TNKS: variants seen among roughly 807,000 people sequenced by gnomAD.
TNKS encodes poly [ADP-ribose] polymerase tankyrase-1.
TNKS carries 72 observed loss-of-function variants against 135.8 expected under a neutral mutation model. The observed-to-expected ratio is 0.53, with a 90% CI of 0.44 to 0.64. The LOEUF (loss-of-function observed/expected upper bound fraction) is 0.64. Among genes scored for constraint, TNKS ranks in the 30% least tolerant of loss-of-function variants. The pLI is 0.00. For missense variants in TNKS, 1,769 were observed against 1,674.0 expected (o/e 1.06, Z -0.99); for synonymous variants, 849 against 649.3 (o/e 1.31, Z -4.68).
intron 1 of TNKS, among the ~76,000 whole-genome samples, chr8:9,561,556 G>C (rs1015111415): frequency 1.3e-5 from 2 of 152,164 alleles, no homozygotes; most frequent in African/African-American, 4.8e-5. Flanking sequence ...TTACTGCTGA[G>C]TAGATTTCAT....
intron 20 of TNKS, among the ~76,000 whole-genome samples, chr8:9,758,227 G>C (rs140538644): frequency 1.3e-5 from 2 of 152,122 alleles, no homozygotes; most frequent in African/African-American, 4.8e-5. Context: ...AATATTGTGT[G>C]GATGGTGGTT....
At chr8:9,581,853 A>G (rs557466055) in intron 2 of TNKS, among the ~76,000 whole-genome samples, 15 of 152,302 alleles carry the variant, frequency 9.8e-5, no homozygotes, top group Non-Finnish European at 1.5e-5. Flanking sequence ...TCAAAAGTCC[A>G]TAATGTAAAT....
intron 2 of TNKS, among the ~76,000 whole-genome samples, chr8:9,590,979 T>C (rs1199172978): frequency 6.6e-6 from 1 of 152,218 alleles, no homozygotes; most frequent in Admixed American, 6.5e-5. Context: ...TGAGAATCCA[T>C]TGTCGAACCC....
At chr8:9,572,262 C>G (rs915994446) in intron 1 of TNKS, among the ~76,000 whole-genome samples, 1 of 152,168 alleles carries the variant, frequency 6.6e-6, no homozygotes, top group East Asian at 1.9e-4. Context: ...AGTGTCTTTT[C>G]TCATAGTTAA....
At chr8:9,746,097 C>A (rs1402264126) in intron 17 of TNKS, among the ~76,000 whole-genome samples, 1 of 152,052 alleles carries the variant, frequency 6.6e-6, no homozygotes, top group African/African-American at 2.4e-5. Context: ...AATTTATTTT[C>A]AATAGATGAT....
chr8:9,734,751 T>C (rs988207786), intron 15 of TNKS, 114 bp from the exon 16 acceptor site: 2 of 872,854 alleles, frequency 2.3e-6, no homozygotes, highest in East Asian at 2.6e-5. Context: ...AAAATGCATA[T>C]AGAGTAGATA....
intron 2 of TNKS, among the ~76,000 whole-genome samples, chr8:9,612,255 AAAG>A (rs1799491107): frequency 6.6e-6 from 1 of 152,216 alleles, no homozygotes; most frequent in Non-Finnish European, 1.5e-5. Context: ...ATATAAATAA[AAAG>A]AAGTACTGGA....
rs141250826 is a variant in TNKS, at chr8:9,707,558, G to C, written c.1456+561G>C. Among the ~76,000 whole-genome samples the C allele has an allele frequency of 1.8e-3, 268 of 152,158 alleles. 5 individuals carry two copies. In the East Asian group the frequency reaches 0.046, roughly 26 times the overall value. On this transcript the variant is annotated intron_variant, in intron 8 of 26. Coordinates refer to ENST00000310430, the MANE Select transcript of TNKS (RefSeq NM_003747.3). ...AGTATAATCACTTTCCCATATTTAA[G>C]TGAGATTTTAAAAATAATTAGGTTG...
At chr8:9,562,455 T>C (rs902926124) in intron 1 of TNKS, among the ~76,000 whole-genome samples, 5 of 152,196 alleles carry the variant, frequency 3.3e-5, no homozygotes, top group African/African-American at 1.2e-4. Context: ...CTTTATGATT[T>C]TAGCTACATT....
intron 3 of TNKS, among the ~76,000 whole-genome samples, chr8:9,677,856 AC>A (rs1429994279): frequency 6.6e-6 from 1 of 152,078 alleles, no homozygotes; most frequent in Non-Finnish European, 1.5e-5. Context: ...GCTACTTACA[AC>A]CATTCCCCTT....
intron 23 of TNKS, among the ~76,000 whole-genome samples, chr8:9,765,146 A>G (rs1421919225): frequency 6.6e-6 from 1 of 152,206 alleles, no homozygotes; most frequent in Non-Finnish European, 1.5e-5. Context: ...TGGATCTTCA[A>G]TCTAATTGAA....
intron 1 of TNKS, among the ~76,000 whole-genome samples, chr8:9,564,173 T>A (rs1344464609): frequency 6.6e-6 from 1 of 152,214 alleles, no homozygotes; most frequent in African/African-American, 2.4e-5. Flanking sequence ...CTCTTCCTGA[T>A]AGATTACTAT....
At chr8:9,675,740 C>T (rs1221169946) in intron 3 of TNKS, among the ~76,000 whole-genome samples, 1 of 152,120 alleles carries the variant, frequency 6.6e-6, no homozygotes, top group African/African-American at 2.4e-5. Context: ...TTTTCCAGAA[C>T]TCAGATTTGT....
chr8:9,761,385 C>A, intron 20 of TNKS, 131 bp from the exon 21 acceptor site: 1 of 911,928 alleles, frequency 1.1e-6, no homozygotes, highest in Non-Finnish European at 1.6e-6. Flanking sequence ...ATTGTAAGCT[C>A]ATGTTTATAA....
chr8:9,560,858 TA>T (rs201367772), intron 1 of TNKS, among the ~76,000 whole-genome samples: 9 of 149,284 alleles, frequency 6.0e-5, no homozygotes, highest in South Asian at 2.1e-4. Context: ...GGTACCTCTT[TA>T]AAAAAAAAAG....
At chr8:9,721,819 C>T (rs1414062474) in intron 12 of TNKS, among the ~76,000 whole-genome samples, 4 of 151,842 alleles carry the variant, frequency 2.6e-5, no homozygotes, top group South Asian at 2.1e-4. Context: ...TTTGGGAGGC[C>T]GAGGTGGGCG....
chr8:9,729,058 T>C (rs1585385296), intron 13 of TNKS, among the ~76,000 whole-genome samples: 1 of 152,168 alleles, frequency 6.6e-6, no homozygotes, highest in Admixed American at 6.5e-5. Context: ...GGGGACCCCG[T>C]CTCTCTGCCT....
At position 9,586,991 on chromosome 8, in the gene TNKS, T is replaced by G. The variant is rs182287082; in HGVS notation, c.898+6608T>G. Among the ~76,000 whole-genome samples the G allele has an allele frequency of 1.8e-4, 28 of 152,272 alleles. No homozygotes were observed. The East Asian group carries it at 4.8e-3, about 26-fold the overall frequency. ...CATATAATGTTATGCTTTAAAAACT[T>G]TTTATAAGAAGTTACATGCTATATG... On this transcript the variant is annotated intron_variant, in intron 2 of 26. Transcript: ENST00000310430.
At chr8:9,611,885 A>G (rs949739364) in intron 2 of TNKS, among the ~76,000 whole-genome samples, 1 of 152,208 alleles carries the variant, frequency 6.6e-6, no homozygotes, top group African/African-American at 2.4e-5. Context: ...TGTTCTTTTT[A>G]AAGAGTTAAG....
Sources: allele counts gnomAD v4.1 joint callset (sites outside exome capture counted in the v4.1 genomes callset), GRCh38; gene constraint gnomAD v4.1.1; transcripts MANE v1.5; gene names NCBI Gene and HGNC (gene_info 2026-07-23, HGNC 2026-07-21).